The following ZNF653 variants were observed in gnomAD, a reference collection of about 807,000 sequenced individuals.
ZNF653 encodes the protein zinc finger protein 653.
In ZNF653, 37 loss-of-function variants were observed where a neutral mutation model predicts 59.9. The observed-to-expected ratio is 0.62, with a 90% CI of 0.48 to 0.81. The LOEUF is 0.81. Among genes scored for constraint, ZNF653 ranks in the 40% least tolerant of loss-of-function variants. ZNF653 has a pLI of 0.00. For missense variants in ZNF653, 808 were observed against 881.1 expected (o/e 0.92, Z 1.05); for synonymous variants, 435 against 371.8 (o/e 1.17, Z -1.96).
chr19:11,486,791 T>G lies in ZNF653; in HGVS notation c.1433A>C (p.Tyr478Ser). The change falls in exon 6 of 9, where the codon TAC (tyrosine) becomes TCC (serine). Residue 478 changes from tyrosine to serine, a missense_variant. Coordinates refer to ENST00000293771, the MANE Select transcript of ZNF653 (RefSeq NM_138783.4). ...CACCTGGAAGCTGCTGAGGGCCACG[T>G]AGACTTGGCTGCAGCCCTCGTATGG... ...HCPYEGCSQV[Y>S]VALSSFQNHV... 2 of 1,609,886 alleles carry G rather than the reference T, an allele frequency of 1.2e-6. No individual in the cohort carries two copies. The highest frequency in any genetic ancestry group is 1.7e-6 in the Non-Finnish European group (2 of 1,178,294).
At position 11,494,381 on chromosome 19, in the gene ZNF653, A is replaced by ACATAACATAACATAAAACAT. The variant is rs1555737004; in HGVS notation, c.559+1568_559+1569insATGTTTTATGTTATGTTATG. Among the ~76,000 whole-genome samples, 3 of 133,022 alleles carry ACATAACATAACATAAAACAT rather than the reference A, an allele frequency of 2.3e-5. No individual in the cohort carries two copies. In the East Asian group the frequency reaches 7.1e-4, roughly 32 times the overall value. The allele number at this position is 133,022 out of a possible 152,430, so 87.3% of individuals were successfully genotyped here. A position where few individuals can be genotyped will look rare whatever the true frequency, so the allele number is the denominator to read the frequency against. On this transcript the variant is annotated intron_variant, in intron 3 of 8. Transcript: ENST00000293771. ...ACATAACATAACATAACATAACATA[A>ACATAACATAACATAAAACAT]AACATAACATAACATAACATAACAT...
intron 3 of ZNF653, among the ~76,000 whole-genome samples, chr19:11,490,597 T>C (rs918813707): frequency 5.3e-5 from 8 of 152,084 alleles, no homozygotes; most frequent in African/African-American, 1.9e-4. Flanking sequence ...TTCATCATGT[T>C]GGTCAGGCTG....
rs760485193 is a variant in ZNF653 at position 11,487,466 on chromosome 19, C to T, written c.997G>A (p.Glu333Lys). Residue 333 changes from glutamate to lysine, a missense_variant, in exon 4 of 9, where the codon GAG becomes AAG. By Grantham distance (56) the Glu-to-Lys change is moderately conservative. Coordinates refer to ENST00000293771, the MANE Select transcript of ZNF653 (RefSeq NM_138783.4). The surrounding 1 kb of genome is among the most constrained non-coding windows in gnomAD (Gnocchi z 5.1). ...GCTGCCATGTTGAGGTGAATGCCCT[C>T]GGCCGTGAGAGCGTCGTAACCAGGG... ...AGPGYDALTAEGIHLNMAAGS... is the reference protein window; with the variant it reads ...AGPGYDALTAKGIHLNMAAGS... 7 of 1,613,284 alleles carry T rather than the reference C, an allele frequency of 4.3e-6. No homozygotes were observed. The highest frequency in any genetic ancestry group is 1.1e-5 in the South Asian group (1 of 91,090).
chr19:11,486,117 CTAT>C (rs568557805), intron 6 of ZNF653, among the ~76,000 whole-genome samples: 4 of 152,090 alleles, frequency 2.6e-5, no homozygotes, highest in African/African-American at 9.6e-5. Context: ...CGCCCGGCTG[CTAT>C]TATTTTTTTC....
At position 11,495,601 on chromosome 19, in the gene ZNF653, C is replaced by G; in HGVS notation, c.559+349G>C. ...ATAAGGCCTGGGTGGTTTAGGCGGC[C>G]GTTTCGCTGTGGGGGCCGAGCCCTG... On this transcript the variant is annotated intron_variant, in intron 3 of 8. Coordinates refer to ENST00000293771, the MANE Select transcript of ZNF653 (RefSeq NM_138783.4). This position sits in a 1 kb window ranked among gnomAD's most constrained non-coding sequence, Gnocchi z 4.9. 1 of 346,700 alleles carries G rather than the reference C, an allele frequency of 2.9e-6. No individual in the cohort carries two copies. The highest frequency in any genetic ancestry group is 5.5e-6 in the Non-Finnish European group (1 of 181,864). 21.5% of individuals were successfully genotyped at this position (346,700 alleles called of 1,614,324 possible). A position where few individuals can be genotyped will look rare whatever the true frequency, so the allele number is the denominator to read the frequency against.
At position 11,487,200 on chromosome 19, in the gene ZNF653, C is replaced by T; in HGVS notation, c.1172-42G>A. 6.2e-7 allele frequency: 1 copy of T among 1,604,468 alleles called. No homozygotes were observed. The highest frequency in any genetic ancestry group is 8.5e-7 in the Non-Finnish European group (1 of 1,176,188). ...GGGTGGTGTCCGCAGGGGACGAAGG[C>T]TGCCGAGGTGCCCACTTCGAGGGCC... On this transcript the variant is annotated intron_variant, in intron 4 of 8. Transcript: ENST00000293771. This position sits in a 1 kb window ranked among gnomAD's most constrained non-coding sequence, Gnocchi z 5.1.
chr19:11,492,174 G>C (rs930023918), intron 3 of ZNF653, among the ~76,000 whole-genome samples: 5 of 151,982 alleles, frequency 3.3e-5, no homozygotes, highest in Admixed American at 1.3e-4. Flanking sequence ...AGTCTCCTGA[G>C]TAGCTGGGAT....
intron 1 of ZNF653, 88 bp from the exon 2 acceptor site, chr19:11,498,427 GCTCA>G: frequency 2.6e-6 from 4 of 1,554,180 alleles, no homozygotes; most frequent in Non-Finnish European, 3.5e-6. Flanking sequence ...TAGAGCCACT[GCTCA>G]TTGTACACTG....
At chr19:11,492,139 C>T (rs535373353) in intron 3 of ZNF653, among the ~76,000 whole-genome samples, 39 of 152,136 alleles carry the variant, frequency 2.6e-4, no homozygotes, top group Non-Finnish European at 5.1e-4. Flanking sequence ...CTCCACCTTC[C>T]AAGTTCAAGT....
At chr19:11,486,906 G>C in intron 5 of ZNF653, 26 bp from the exon 6 acceptor site, 2 of 1,610,790 alleles carry the variant, frequency 1.2e-6, no homozygotes, top group Admixed American at 3.4e-5. Context: ...CCATGACATC[G>C]GGGCTCCCGC....
Position 11,495,604 on chromosome 19 carries a change from T to G in ZNF653, c.559+346A>C. The G allele has an allele frequency of 8.5e-6, 3 of 351,260 alleles. No individual in the cohort carries two copies. Among genetic ancestry groups the G allele is most frequent in the Non-Finnish European group, 5.4e-6 (1 of 184,260 alleles). The allele number at this position is 351,260 out of a possible 1,614,324, so 21.8% of individuals were successfully genotyped here. On this transcript the variant is annotated intron_variant, in intron 3 of 8. Transcript: ENST00000293771. The surrounding 1 kb of genome is among the most constrained non-coding windows in gnomAD (Gnocchi z 4.9). ...AGGCCTGGGTGGTTTAGGCGGCCGT[T>G]TCGCTGTGGGGGCCGAGCCCTGCCC...
Position 11,483,592 on chromosome 19 carries a change from G to C in ZNF653, c.*90C>G. ...GGCGCCTCCTTCCGGCCCGCGGTCC[G>C]GGCGGCCCTCGCAGCTGTCCAGGCC... On this transcript the variant is annotated 3_prime_UTR_variant, in exon 9 of 9. Coordinates refer to ENST00000293771, the MANE Select transcript of ZNF653 (RefSeq NM_138783.4). 6.7e-7 allele frequency: 1 copy of C among 1,490,172 alleles called. No individual in the cohort carries two copies. The highest frequency in any genetic ancestry group is 1.3e-5 in the South Asian group (1 of 76,038). The allele number at this position is 1,490,172 out of a possible 1,614,324, so 92.3% of individuals were successfully genotyped here.
At chr19:11,484,975 G>A (rs904931919) in intron 7 of ZNF653, among the ~76,000 whole-genome samples, 10 of 151,550 alleles carry the variant, frequency 6.6e-5, no homozygotes, top group South Asian at 2.1e-4. Context: ...GCTTGAACCC[G>A]GGAGGCAGAG....
At chr19:11,504,499 G>C in intron 1 of ZNF653, 1 of 985,206 alleles carries the variant, frequency 1.0e-6, no homozygotes, top group Middle Eastern at 5.2e-4. Context: ...CCATGAGGCA[G>C]GTATCTTTGC....
Position 11,496,055 on chromosome 19 carries a change from G to A in ZNF653, c.454C>T (p.Leu152=). The A allele has an allele frequency of 2.5e-6, 4 of 1,614,188 alleles. No individual in the cohort carries two copies. Among genetic ancestry groups the A allele is most frequent in the African/African-American group, 2.7e-5 (2 of 75,058 alleles). The change falls in exon 3 of 9, where the codon CTG becomes TTG. Residue 152 remains leucine, a synonymous_variant. Transcript: ENST00000293771. ...HLAELDPTFG[L]YTTAVWQCEA... ...CACTGCCACACGGCCGTGGTGTACAGGCCAAAAGTGGGGTCTAGCTCCGCC... is the reference window on the plus strand; with the variant it reads ...CACTGCCACACGGCCGTGGTGTACAAGCCAAAAGTGGGGTCTAGCTCCGCC...
rs1427809034 is a variant in ZNF653 at position 11,505,501 on chromosome 19, T to G, written c.286A>C (p.Ser96Arg). The change falls in exon 1 of 9, where the codon AGC becomes CGC. Residue 96 changes from serine to arginine, a missense_variant. Transcript: ENST00000293771. ...YLISLERGQR[S>R]GRHGKPWEQV... ...AGGCCCCCTCACCCGTGGCGGCCGC[T>G]CCGCTGGCCGCGCTCCAGAGAGATG... 1 of 1,488,236 alleles carries G rather than the reference T, an allele frequency of 6.7e-7. No individual in the cohort carries two copies. The highest frequency in any genetic ancestry group is 2.9e-5 in the East Asian group (1 of 34,066). The allele number at this position is 1,488,236 out of a possible 1,614,324, so 92.2% of individuals were successfully genotyped here.
In ZNF653 at chr19:11,483,703, G is replaced by A. The variant is rs1392202792; in HGVS notation, c.1827C>T (p.His609=). The A allele has an allele frequency of 3.7e-6, 6 of 1,613,108 alleles. No homozygotes were observed. The highest frequency in any genetic ancestry group is 2.7e-5 in the African/African-American group (2 of 74,900). ...TGGGTCAGGTGGGCTTGTGATCCGGGTGGCTTTTGAGCGTGTGGAACTTGA... is the reference window on the plus strand; with the variant it reads ...TGGGTCAGGTGGGCTTGTGATCCGGATGGCTTTTGAGCGTGTGGAACTTGA... The part of the protein sequence containing the change: ...DSVKFHTLKS[H]PDHKPT Residue 609 remains histidine (H), a synonymous_variant, in exon 9 of 9, where the codon CAC becomes CAT. Transcript: ENST00000293771.
In ZNF653 at chr19:11,505,603, G is replaced by A. The variant is rs746914133; in HGVS notation, c.184C>T (p.Leu62=). The A allele has an allele frequency of 1.9e-5, 28 of 1,506,738 alleles. 1 individual carries two copies. The South Asian group carries it at 3.0e-4, about 16-fold the overall frequency. The allele number at this position is 1,506,738 out of a possible 1,614,324, so 93.3% of individuals were successfully genotyped here. A position where few individuals can be genotyped will look rare whatever the true frequency, so the allele number is the denominator to read the frequency against. The change falls in exon 1 of 9, where the codon CTG becomes TTG. Residue 62 remains leucine (L), a synonymous_variant. Transcript: ENST00000293771. ...ACCCAGGGCCCGTGCGCCTCGCCCAGGTACACGCGCCGCACGTCGTACTTC... is the reference window on the plus strand; with the variant it reads ...ACCCAGGGCCCGTGCGCCTCGCCCAAGTACACGCGCCGCACGTCGTACTTC... ...RKKYDVRRVY[L]GEAHGPWVDL...
chr19:11,502,678 C>T (rs959619197), intron 1 of ZNF653, among the ~76,000 whole-genome samples: 24 of 152,030 alleles, frequency 1.6e-4, no homozygotes, highest in African/African-American at 5.8e-4. Context: ...AATAAATAAA[C>T]AAATAAATAA....
Sources: gnomAD v4.1 joint callset for allele counts (sites outside exome capture counted in the v4.1 genomes callset) on GRCh38, gnomAD v4.1.1 for gene constraint, Gnocchi (gnomAD v3.1) non-coding constraint, MANE v1.5 for transcripts, NCBI Gene and HGNC (gene_info 2026-07-23, HGNC 2026-07-21) for gene names.